FANCD2: variants seen among roughly 807,000 people sequenced by gnomAD.
FANCD2 encodes FA complementation group D2, also known as Fanconi anemia group D2 protein.
Under a neutral mutation model 192.3 loss-of-function variants are expected in FANCD2, and 131 were observed. The ratio of observed to expected loss-of-function variants is 0.68; its 90% CI spans 0.59 to 0.79. FANCD2 has a LOEUF of 0.79. FANCD2 is among the 30% of genes least tolerant of loss of function. The probability of loss-of-function intolerance (pLI) is 0.00; values close to 1 mark genes in which losing one functional copy is unlikely to be tolerated. For missense variants in FANCD2, 1,508 were observed against 1,701.6 expected, an observed-to-expected ratio of 0.89 and a Z score of 2.00; for synonymous variants, 524 against 612.5, an observed-to-expected ratio of 0.86 and a Z score of 2.13.
At chr3:10,075,761 C>T (rs1249239861) in intron 29 of FANCD2, among the ~76,000 whole-genome samples, 1 of 118,492 alleles carries the variant, frequency 8.4e-6, no homozygotes, top group Non-Finnish European at 1.6e-5. Context: ...GATGGAGTCT[C>T]GCTGCGTTGC....
At chr3:10,051,024 T>A (rs1190225003) in intron 17 of FANCD2, among the ~76,000 whole-genome samples, 1 of 150,958 alleles carries the variant, frequency 6.6e-6, no homozygotes, top group Non-Finnish European at 1.5e-5. Flanking sequence ...AGGTGGAGGT[T>A]GCAGTGAGCT....
intron 23 of FANCD2, 92 bp from the exon 24 acceptor site, chr3:10,065,302 G>C: frequency 1.1e-6 from 1 of 895,292 alleles, no homozygotes; most frequent in South Asian, 1.3e-5. Context: ...AAAAGAAGTT[G>C]TGTTCCCTAT....
At chr3:10,031,240 A>C (rs1056138032) in intron 2 of FANCD2, among the ~76,000 whole-genome samples, 2 of 152,178 alleles carry the variant, frequency 1.3e-5, no homozygotes, top group Admixed American at 6.5e-5. Context: ...ACGGTGGCTC[A>C]CGCCTGTAAT....
At chr3:10,026,709 G>A (rs1317200483) in intron 1 of FANCD2, 2 of 151,592 alleles carry the variant, frequency 1.3e-5, no homozygotes, top group Non-Finnish European at 2.9e-5. Context: ...CCAGGCAGTC[G>A]GCCTCATCTC....
chr3:10,058,562 G>A (rs2087478972), intron 18 of FANCD2, among the ~76,000 whole-genome samples: 2 of 152,096 alleles, frequency 1.3e-5, no homozygotes, highest in Non-Finnish European at 1.5e-5. Context: ...TTTTGCACAT[G>A]GATATCCAGT....
intron 5 of FANCD2, 62 bp from the exon 6 acceptor site, chr3:10,035,110 AG>A (rs1421709615): frequency 7.4e-6 from 10 of 1,360,332 alleles, no homozygotes; most frequent in African/African-American, 1.4e-5. Context: ...TATTGAGAAA[AG>A]ATGATAAAAG....
chr3:10,043,172 A>T (rs1553608212), intron 12 of FANCD2, 22 bp downstream of exon 12: 28 of 1,587,820 alleles, frequency 1.8e-5, no homozygotes, highest in Non-Finnish European at 2.1e-5. Flanking sequence ...ATCCTCACAC[A>T]GGATGTCACA....
chr3:10,043,660 A>C (rs2086923558), intron 13 of FANCD2, 68 bp downstream of exon 13: 1 of 1,372,492 alleles, frequency 7.3e-7, no homozygotes, highest in Non-Finnish European at 1.0e-6. Context: ...TGTATAACTG[A>C]GGTAGACTGA....
At chr3:10,027,301 A>G (rs78023816) in intron 1 of FANCD2, among the ~76,000 whole-genome samples, 3 of 152,310 alleles carry the variant, frequency 2.0e-5, no homozygotes, top group Non-Finnish European at 4.4e-5. Flanking sequence ...AAACTCCCTT[A>G]GGGATAGGAG....
Position 10,087,274 on chromosome 3 carries a change from C to T in FANCD2, c.3466+10C>T, listed in dbSNP as rs200208121. ...AACAAAGAAAAAATTGGTGATGGGC[C>T]TAGATCCTTTTTTTTTTTTTTTTTT... On this transcript the variant is annotated intron_variant, in intron 34 of 43. Transcript: ENST00000675286. The T allele has an allele frequency of 1.2e-4, 183 of 1,532,718 alleles. No homozygotes were observed. In the Admixed American group the frequency reaches 1.9e-3, roughly 16 times the overall value. The allele number at this position is 1,532,718 out of a possible 1,614,324, so 94.9% of individuals were successfully genotyped here. A position where few individuals can be genotyped will look rare whatever the true frequency, so the allele number is the denominator to read the frequency against.
chr3:10,090,418 A>T (rs1694520093), intron 37 of FANCD2, 33 bp downstream of exon 37: 1 of 1,048,830 alleles, frequency 9.5e-7, no homozygotes, highest in Admixed American at 1.8e-5. Context: ...CAAGAAGTGG[A>T]CTTTGGATTA....
intron 7 of FANCD2, among the ~76,000 whole-genome samples, chr3:10,038,781 G>A (rs376514610): frequency 2.6e-5 from 4 of 151,432 alleles, no homozygotes; most frequent in African/African-American, 7.3e-5. Context: ...GGGTTTCACC[G>A]TGTTGGCCAG....
chr3:10,027,715 G>A (rs531279142), intron 1 of FANCD2, among the ~76,000 whole-genome samples: 2 of 151,514 alleles, frequency 1.3e-5, no homozygotes, highest in African/African-American at 4.9e-5. Context: ...ACTATCCTGG[G>A]TAACACGGTG....
intron 18 of FANCD2, among the ~76,000 whole-genome samples, chr3:10,055,956 G>A (rs887899442): frequency 1.3e-5 from 2 of 152,054 alleles, no homozygotes; most frequent in Non-Finnish European, 2.9e-5. Flanking sequence ...TTGGCTTACC[G>A]CAACCTCTGC....
intron 16 of FANCD2, 102 bp downstream of exon 16, chr3:10,048,153 C>G (rs2087084076): frequency 2.6e-6 from 4 of 1,510,218 alleles, no homozygotes; most frequent in Non-Finnish European, 3.6e-6. Flanking sequence ...GGAAGGAACT[C>G]TGACCTGGGT....
At chr3:10,088,596 C>T (rs958261095) in intron 35 of FANCD2, 54 bp downstream of exon 35, 12 of 1,307,328 alleles carry the variant, frequency 9.2e-6, no homozygotes, top group South Asian at 3.5e-5. Flanking sequence ...TATTTTGCTA[C>T]TGTTGTTTGT....
rs1411129676 is a variant in FANCD2, at chr3:10,088,432, GTCT to G, written c.3467-12_3467-10del. The G allele has an allele frequency of 1.3e-6, 2 of 1,531,110 alleles. No individual in the cohort carries two copies. Among genetic ancestry groups the G allele is most frequent in the East Asian group, 4.5e-5 (2 of 44,504 alleles). The allele number at this position is 1,531,110 out of a possible 1,614,324, so 94.8% of individuals were successfully genotyped here. A position where few individuals can be genotyped will look rare whatever the true frequency, so the allele number is the denominator to read the frequency against. On this transcript the variant is annotated splice_polypyrimidine_tract_variant and intron_variant, in intron 34 of 43. Coordinates refer to ENST00000675286, the MANE Select transcript of FANCD2 (RefSeq NM_001018115.3). ...AAGTTCCCATATGTAAGATTCCTTT[GTCT>G]TCTTTTCTAACAGCTTCCCTTGCCA...
At chr3:10,034,345 A>AG (rs2086677437) in intron 3 of FANCD2, 124 bp from the exon 4 acceptor site, 1 of 707,334 alleles carries the variant, frequency 1.4e-6, no homozygotes, top group South Asian at 1.6e-5. Context: ...AAAAAAAAAA[A>AG]GATTTGTCTC....
chr3:10,069,472 C>T (rs1168186545), intron 26 of FANCD2, among the ~76,000 whole-genome samples: 58 of 136,698 alleles, frequency 4.2e-4, no homozygotes, highest in African/African-American at 1.9e-3. Flanking sequence ...TCTCCCCCTC[C>T]CCCTCCCCCT....
Sources: gnomAD v4.1 joint callset for allele counts (sites outside exome capture counted in the v4.1 genomes callset) on GRCh38, gnomAD v4.1.1 for gene constraint, MANE v1.5 for transcripts, NCBI Gene and HGNC (gene_info 2026-07-23, HGNC 2026-07-21) for gene names.